The following SELENOI variants were observed in gnomAD, a reference collection of about 807,000 sequenced individuals.
SELENOI encodes the protein ethanolaminephosphotransferase 1.
A neutral mutation model predicts 50.7 loss-of-function variants in SELENOI; 24 were observed. The ratio of observed to expected loss-of-function variants is 0.47; its 90% CI spans 0.34 to 0.67. The LOEUF is 0.67. Ranked by LOEUF, SELENOI falls within the 30% of genes least tolerant of loss-of-function variation. The pLI is 0.01. For synonymous variants in SELENOI, 155 were observed against 170.2 expected (o/e 0.91, Z 0.70); for missense variants, 352 against 461.4 (o/e 0.76, Z 2.17).
chr2:26,384,385 A>C (rs999744556), intron 7 of SELENOI, among the ~76,000 whole-genome samples: 2 of 152,132 alleles, frequency 1.3e-5, no homozygotes, highest in African/African-American at 4.8e-5. Flanking sequence ...ATATTGCCCG[A>C]GGTCGTGTGA....
chr2:26,393,204 CT>C lies in SELENOI; in HGVS notation c.*4105del, dbSNP rs1678009814. ...TATATGGTTAATCACGATTGTCTAACTTTTCCAGAGAAAGTGGTGATATGCT... is the reference window on the plus strand; with the variant it reads ...TATATGGTTAATCACGATTGTCTAACTTTCCAGAGAAAGTGGTGATATGCT... On this transcript the variant is annotated 3_prime_UTR_variant, in exon 10 of 10. Coordinates refer to ENST00000260585, the MANE Select transcript of SELENOI (RefSeq NM_033505.4). The C allele has an allele frequency of 6.6e-6, 1 of 152,644 alleles. No homozygotes were observed. Among genetic ancestry groups the C allele is most frequent in the South Asian group, 2.1e-4 (1 of 4,830 alleles). The allele number at this position is 152,644 out of a possible 1,614,324, so 9.5% of individuals were successfully genotyped here. A position where few individuals can be genotyped will look rare whatever the true frequency, so the allele number is the denominator to read the frequency against.
chr2:26,357,451 CCA>C (rs1387264825), intron 1 of SELENOI, among the ~76,000 whole-genome samples: 1 of 152,202 alleles, frequency 6.6e-6, no homozygotes, highest in African/African-American at 2.4e-5. Flanking sequence ...ATAAAAATTA[CCA>C]CACACTGAGT....
At chr2:26,364,434 A>G (rs879175236) in intron 2 of SELENOI, 64 bp downstream of exon 2, 155 of 1,077,898 alleles carry the variant, frequency 1.4e-4, no homozygotes, top group Non-Finnish European at 2.0e-4. Flanking sequence ...AACCTATTTT[A>G]TGGAGTATTA....
intron 1 of SELENOI, among the ~76,000 whole-genome samples, chr2:26,360,957 G>GT (rs905920429): frequency 3.1e-4 from 47 of 152,304 alleles, no homozygotes; most frequent in African/African-American, 1.1e-3. Context: ...GCTTACGCCT[G>GT]TAATCCCAGC....
At chr2:26,378,654 A>G (rs1226271315) in intron 6 of SELENOI, among the ~76,000 whole-genome samples, 1 of 152,204 alleles carries the variant, frequency 6.6e-6, no homozygotes, top group African/African-American at 2.4e-5. Context: ...GTTGTTCCCC[A>G]GTGTTTCAAG....
rs1678057735 is a variant in SELENOI, at chr2:26,394,991, C to T, written c.*5888C>T. 3 of 152,276 alleles carry T rather than the reference C, an allele frequency of 2.0e-5. No individual in the cohort carries two copies. In the South Asian group the frequency reaches 6.2e-4, roughly 32 times the overall value. The allele number at this position is 152,276 out of a possible 1,614,324, so 9.4% of individuals were successfully genotyped here. On this transcript the variant is annotated 3_prime_UTR_variant, in exon 10 of 10. Transcript: ENST00000260585. This position sits in a 1 kb window ranked among gnomAD's most constrained non-coding sequence, Gnocchi z 4.1. ...TTGAGCAACTGGAATATGTTTGCTG[C>T]AAGCAGAATATTTTGGGGAGAGGAA...
chr2:26,377,291 C>T (rs1442374726), intron 6 of SELENOI, among the ~76,000 whole-genome samples: 2 of 151,850 alleles, frequency 1.3e-5, no homozygotes, highest in Non-Finnish European at 2.9e-5. Context: ...CTTCTGCCAT[C>T]TCCAATATGC....
chr2:26,387,149 T>G (rs1045529371), intron 9 of SELENOI, among the ~76,000 whole-genome samples: 1 of 152,214 alleles, frequency 6.6e-6, no homozygotes, highest in Non-Finnish European at 1.5e-5. Context: ...AAAGGGATTT[T>G]GAGAAATGTT....
chr2:26,368,998 G>A (rs1238587078), intron 4 of SELENOI, among the ~76,000 whole-genome samples: 2 of 152,120 alleles, frequency 1.3e-5, no homozygotes, highest in African/African-American at 4.8e-5. Flanking sequence ...AATGTACTTT[G>A]GTGAGCAAGA....
intron 8 of SELENOI, 72 bp downstream of exon 8, chr2:26,385,211 T>C: frequency 2.2e-6 from 2 of 929,370 alleles, no homozygotes; most frequent in Non-Finnish European, 2.9e-6. Context: ...ATTTGAAAAA[T>C]CTTTAATATT....
Position 26,364,857 on chromosome 2 carries a change from A to G in SELENOI, c.152A>G (p.Asn51Ser), listed in dbSNP as rs971636220. The G allele has an allele frequency of 6.2e-7, 1 of 1,609,812 alleles. No individual in the cohort carries two copies. The highest frequency in any genetic ancestry group is 8.5e-7 in the Non-Finnish European group (1 of 1,178,348). ...GTATTTCCTACTTGGCTGGCGCCCA[A>G]TCTGATAACTTTTTCTGGCTTTCTG... ...VKVFPTWLAPNLITFSGFLLV... is the reference protein window; with the variant it reads ...VKVFPTWLAPSLITFSGFLLV... Residue 51 changes from asparagine to serine, a missense_variant, in exon 3 of 10, where the codon AAT becomes AGT. Physicochemically the swap from Asn to Ser is conservative, Grantham distance 46 (BLOSUM62 1). Transcript: ENST00000260585.
At chr2:26,356,846 G>C (rs1308877117) in intron 1 of SELENOI, among the ~76,000 whole-genome samples, 1 of 152,004 alleles carries the variant, frequency 6.6e-6, no homozygotes, top group Non-Finnish European at 1.5e-5. Flanking sequence ...TGATGCTGGA[G>C]CTCCATTGGC....
At chr2:26,384,820 G>A in intron 7 of SELENOI, 139 bp from the exon 8 acceptor site, 1 of 536,880 alleles carries the variant, frequency 1.9e-6, no homozygotes, top group Non-Finnish European at 3.0e-6. Flanking sequence ...TGGGATTAAT[G>A]ATGTTGGTTC....
intron 5 of SELENOI, among the ~76,000 whole-genome samples, chr2:26,373,963 G>A (rs372537089): frequency 6.6e-6 from 1 of 152,050 alleles, no homozygotes; most frequent in South Asian, 2.1e-4. Flanking sequence ...TGTTGGCTGG[G>A]CTGGTCTCTA....
At chr2:26,380,603 G>A (rs1178112756) in intron 6 of SELENOI, among the ~76,000 whole-genome samples, 1 of 152,126 alleles carries the variant, frequency 6.6e-6, no homozygotes, top group Non-Finnish European at 1.5e-5. Context: ...TTGTACATCA[G>A]TCTTTTCATA....
chr2:26,380,390 G>A (rs776051832), intron 6 of SELENOI, among the ~76,000 whole-genome samples: 3 of 152,026 alleles, frequency 2.0e-5, no homozygotes, highest in Non-Finnish European at 4.4e-5. Context: ...ACTATGTACT[G>A]TGCCTTTTTT....
At chr2:26,346,565 T>C (rs1676771788) in intron 1 of SELENOI, 1 of 333,286 alleles carries the variant, frequency 3.0e-6, no homozygotes, top group African/African-American at 2.2e-5. Context: ...TTCCTATTTT[T>C]TTTAAACTTA....
At chr2:26,380,783 C>T (rs1677674827) in intron 6 of SELENOI, among the ~76,000 whole-genome samples, 1 of 152,158 alleles carries the variant, frequency 6.6e-6, no homozygotes, top group Admixed American at 6.6e-5. Flanking sequence ...GTTTTACCAA[C>T]ATAGTATATT....
At chr2:26,374,626 T>C (rs1677527958) in intron 5 of SELENOI, among the ~76,000 whole-genome samples, 1 of 149,660 alleles carries the variant, frequency 6.7e-6, no homozygotes, top group Non-Finnish European at 1.5e-5. Flanking sequence ...TGGAGTGCAA[T>C]GGTGTGATCT....
Sources: gnomAD v4.1 joint callset for allele counts (sites outside exome capture counted in the v4.1 genomes callset) on GRCh38, gnomAD v4.1.1 for gene constraint, Gnocchi (gnomAD v3.1) non-coding constraint, MANE v1.5 for transcripts, NCBI Gene and HGNC (gene_info 2026-07-23, HGNC 2026-07-21) for gene names.